The following NINJ1 variants were observed in gnomAD, a reference collection of about 807,000 sequenced individuals.
The protein encoded by NINJ1 is ninjurin 1, also known as ninjurin-1.
In NINJ1, 6 loss-of-function variants were observed where a neutral mutation model predicts 12.7. The observed-to-expected ratio is 0.47, with a 90% CI of 0.26 to 0.93. NINJ1 has a LOEUF of 0.93. NINJ1 is among the 40% of genes least tolerant of loss of function. The pLI, the probability that NINJ1 is intolerant of heterozygous loss-of-function variation, is 0.15. For missense variants in NINJ1, 170 were observed against 213.0 expected, an observed-to-expected ratio of 0.80 and a Z score of 1.26; for synonymous variants, 100 against 96.0, an observed-to-expected ratio of 1.04 and a Z score of -0.25.
chr9:93,123,617 C>T (rs1045136788), intron 3 of NINJ1, among the ~76,000 whole-genome samples: 2 of 152,154 alleles, frequency 1.3e-5, no homozygotes, highest in African/African-American at 2.4e-5. Context: ...GACACACAGG[C>T]GCTCTGCCCC....
At chr9:93,126,697 G>A in intron 1 of NINJ1, 59 bp from the exon 2 acceptor site, 1 of 1,412,354 alleles carries the variant, frequency 7.1e-7, no homozygotes, top group Admixed American at 1.9e-5. Flanking sequence ...GGCTGTGCCT[G>A]AGTCGGGCTC....
intron 1 of NINJ1, among the ~76,000 whole-genome samples, chr9:93,131,244 A>G (rs1040495625): frequency 3.9e-5 from 6 of 152,238 alleles, no homozygotes; most frequent in African/African-American, 1.4e-4. Flanking sequence ...AGACAGCAGG[A>G]AGTGCTGGAA....
intron 1 of NINJ1, among the ~76,000 whole-genome samples, chr9:93,129,417 T>A (rs1587665747): frequency 6.6e-6 from 1 of 152,076 alleles, no homozygotes; most frequent in Non-Finnish European, 1.5e-5. Flanking sequence ...GAGCCCCGAG[T>A]GGCCAGCAAA....
At position 93,126,637 on chromosome 9, in the gene NINJ1, G is replaced by A. The variant is rs202012057; in HGVS notation, c.77C>T (p.Pro26Leu). The A allele has an allele frequency of 7.5e-6, 12 of 1,595,044 alleles. No homozygotes were observed. The highest frequency in any genetic ancestry group is 1.3e-5 in the African/African-American group (1 of 74,554). Residue 26 changes from proline (P) to leucine (L), a missense_variant and splice_region_variant, in exon 2 of 4, where the codon CCG becomes CTG. Pro to Leu is a moderately conservative substitution (Grantham distance 98). Transcript: ENST00000375446. ...CCCGTGCCTCCAGCCCCAGCGGGCC[G>A]GCTGCAGGGAGGGGAATGGTCAGCA... ...PGTPGSPDAS[P>L]ARWGWRHGPI...
intron 1 of NINJ1, among the ~76,000 whole-genome samples, chr9:93,126,881 C>G (rs974729261): frequency 2.0e-5 from 3 of 152,192 alleles, no homozygotes; most frequent in African/African-American, 7.2e-5. Flanking sequence ...GCAACCTTAG[C>G]ACACGCACTC....
rs1587663492 is a variant in NINJ1, at chr9:93,124,995, G to A, written c.372C>T (p.Gly124=). The change falls in exon 3 of 4, where the codon GGC becomes GGT. Residue 124 remains glycine (G), a synonymous_variant. Coordinates refer to ENST00000375446, the MANE Select transcript of NINJ1 (RefSeq NM_004148.4). ...TGACTACCACGATGATGAACACCAG[G>A]CCCGTGGCCAGGTTGTTGAGGAAGT... The part of the protein sequence containing the change: ...KLDFLNNLAT[G]LVFIIVVVNI... 2 of 1,613,988 alleles carry A rather than the reference G, an allele frequency of 1.2e-6. No individual in the cohort carries two copies. The highest frequency in any genetic ancestry group is 4.5e-5 in the East Asian group (2 of 44,882).
chr9:93,131,926 G>T (rs923652962), intron 1 of NINJ1, among the ~76,000 whole-genome samples: 9 of 152,192 alleles, frequency 5.9e-5, no homozygotes, highest in African/African-American at 2.2e-4. Context: ...CCATTTTACA[G>T]AAAAGGAAAC....
chr9:93,134,097 G>C (rs528660668), intron 1 of NINJ1, 46 bp downstream of exon 1: 1 of 1,437,722 alleles, frequency 7.0e-7, no homozygotes, highest in East Asian at 2.7e-5. Flanking sequence ...CGCCCCGAAA[G>C]GACAGGGCCT....
intron 1 of NINJ1, 104 bp downstream of exon 1, chr9:93,134,039 C>T (rs1381905940): frequency 3.5e-6 from 3 of 855,934 alleles, no homozygotes; most frequent in Non-Finnish European, 5.1e-6. Flanking sequence ...CGTCCCCCAA[C>T]ACTCTGCAGT....
intron 1 of NINJ1, among the ~76,000 whole-genome samples, chr9:93,130,680 C>T (rs772941800): frequency 1.3e-5 from 2 of 152,172 alleles, no homozygotes; most frequent in South Asian, 2.1e-4. Flanking sequence ...GCTGGTGGAG[C>T]GCATGGCAGT....
chr9:93,128,569 C>T (rs1827846070), intron 1 of NINJ1, among the ~76,000 whole-genome samples: 1 of 152,250 alleles, frequency 6.6e-6, no homozygotes, highest in South Asian at 2.1e-4. Flanking sequence ...GGCCACACCC[C>T]ATCACACGTG....
intron 1 of NINJ1, chr9:93,131,533 A>G (rs1827892866): frequency 6.6e-6 from 1 of 152,252 alleles, no homozygotes; most frequent in South Asian, 2.1e-4. Flanking sequence ...GGAACCTTCA[A>G]CCTGCGGGCT....
chr9:93,129,621 C>T (rs1564220316), intron 1 of NINJ1, among the ~76,000 whole-genome samples: 1 of 152,214 alleles, frequency 6.6e-6, no homozygotes, highest in Non-Finnish European at 1.5e-5. Context: ...TAGGGTTGCA[C>T]CTGGGAAACT....
In NINJ1 at chr9:93,126,298, G is replaced by A. The variant is rs536835854; in HGVS notation, c.304+112C>T. The A allele has an allele frequency of 1.1e-5, 9 of 856,240 alleles. No individual in the cohort carries two copies. In the South Asian group the frequency reaches 1.2e-4, roughly 11 times the overall value. The allele number at this position is 856,240 out of a possible 1,614,324, so 53.0% of individuals were successfully genotyped here. ...TCTGGGTGATGAGGGCCAGGAACTC[G>A]GCAGCTCCTTGAGAGCCAAGTGTGC... is the stretch of plus-strand genomic sequence containing the variant. On this transcript the variant is annotated intron_variant, in intron 2 of 3. Transcript: ENST00000375446.
chr9:93,126,630 G>A lies in NINJ1; in HGVS notation c.84C>T (p.Arg28=). The A allele has an allele frequency of 1.9e-6, 3 of 1,598,948 alleles. No individual in the cohort carries two copies. Among genetic ancestry groups the A allele is most frequent in the Non-Finnish European group, 2.6e-6 (3 of 1,170,176 alleles). The change falls in exon 2 of 4, where the codon CGC becomes CGT. Residue 28 remains arginine (R), a synonymous_variant. Coordinates refer to ENST00000375446, the MANE Select transcript of NINJ1 (RefSeq NM_004148.4). ...TPGSPDASPA[R]WGWRHGPINV... ...TGATGGGCCCGTGCCTCCAGCCCCAGCGGGCCGGCTGCAGGGAGGGGAATG... is the reference window on the plus strand; with the variant it reads ...TGATGGGCCCGTGCCTCCAGCCCCAACGGGCCGGCTGCAGGGAGGGGAATG...
At chr9:93,132,682 G>A (rs12342201) in intron 1 of NINJ1, among the ~76,000 whole-genome samples, 80,164 of 152,054 alleles carry the variant, frequency 0.53, 23,237 homozygotes, top group African/African-American at 0.77. Flanking sequence ...TTGGTGGGGC[G>A]GGGCTGTGTC....
At chr9:93,128,234 G>A (rs1827841343) in intron 1 of NINJ1, among the ~76,000 whole-genome samples, 2 of 152,182 alleles carry the variant, frequency 1.3e-5, no homozygotes, top group Admixed American at 1.3e-4. Flanking sequence ...TGCATACCCC[G>A]AAGCCTCTAT....
At chr9:93,123,645 C>T (rs1332309118) in intron 3 of NINJ1, among the ~76,000 whole-genome samples, 3 of 152,220 alleles carry the variant, frequency 2.0e-5, no homozygotes, top group Non-Finnish European at 4.4e-5. Flanking sequence ...CTGCTCCTGT[C>T]TACTCTGCCA....
chr9:93,134,165 G>A lies in NINJ1; in HGVS notation c.53C>T (p.Thr18Ile). ...YELNGGLPPG[T>I]PGSPDASPAR... ...TACCGAGGCGTCCGGGGAGCCGGGT[G>A]TGCCCGGAGGCAGGCCGCCGTTGAG... Residue 18 changes from threonine (T) to isoleucine (I), a missense_variant, in exon 1 of 4, where the codon ACA becomes ATA. Coordinates refer to ENST00000375446, the MANE Select transcript of NINJ1 (RefSeq NM_004148.4). The A allele has an allele frequency of 6.4e-7, 1 of 1,559,886 alleles. No individual in the cohort carries two copies. Among genetic ancestry groups the A allele is most frequent in the South Asian group, 1.2e-5 (1 of 84,154 alleles).
Sources: gnomAD v4.1 joint callset for allele counts (sites outside exome capture counted in the v4.1 genomes callset) on GRCh38, gnomAD v4.1.1 for gene constraint, MANE v1.5 for transcripts, NCBI Gene and HGNC (gene_info 2026-07-23, HGNC 2026-07-21) for gene names.